TBC1D19: variants seen among roughly 807,000 people sequenced by gnomAD.
TBC1D19 encodes TBC1 domain family member 19.
A neutral mutation model predicts 89.0 loss-of-function variants in TBC1D19; 60 were observed. That is an observed-to-expected ratio of 0.67 (90% CI 0.55 to 0.84). The LOEUF (loss-of-function observed/expected upper bound fraction) is 0.84, where lower values mean the gene tolerates loss of function less well. Among genes scored for constraint, TBC1D19 ranks in the 40% least tolerant of loss-of-function variants. The pLI, the probability that TBC1D19 is intolerant of heterozygous loss-of-function variation, is 0.00. For synonymous variants in TBC1D19, 189 were observed against 199.7 expected (o/e 0.95, Z 0.45); for missense variants, 500 against 610.8 (o/e 0.82, Z 1.91).
intron 1 of TBC1D19, among the ~76,000 whole-genome samples, chr4:26,600,783 C>T (rs956161363): frequency 2.6e-5 from 4 of 152,148 alleles, no homozygotes; most frequent in African/African-American, 4.8e-5. Flanking sequence ...GAGTATAAGG[C>T]ATGGTCAGCT....
At chr4:26,800,295 G>A in the TBC1D19 span, among the ~76,000 whole-genome samples, 5 of 152,136 alleles carry the variant, frequency 3.3e-5, no homozygotes, top group Non-Finnish European at 7.3e-5. Flanking sequence ...TGAGAATGAC[G>A]GTTTCCAGTT....
chr4:26,673,719 C>G, intron 10 of TBC1D19, 57 bp from the exon 11 acceptor site: 1 of 1,076,556 alleles, frequency 9.3e-7, no homozygotes, highest in Non-Finnish European at 1.4e-6. Flanking sequence ...TTGAAGATTT[C>G]AGTGATGTTT....
chr4:26,843,891 AAG>A, the TBC1D19 span, among the ~76,000 whole-genome samples: 2 of 152,124 alleles, frequency 1.3e-5, no homozygotes, highest in African/African-American at 4.8e-5. Flanking sequence ...GAGCAAGAGA[AAG>A]AGAGTGTGGA....
the TBC1D19 span, among the ~76,000 whole-genome samples, chr4:26,801,539 G>A: frequency 7.2e-5 from 11 of 152,270 alleles, no homozygotes; most frequent in East Asian, 1.7e-3. Context: ...TCCCAATTCT[G>A]TGAAGAAAGT....
At chr4:26,672,114 A>T (rs1712367694) in intron 9 of TBC1D19, 35 bp from the exon 10 acceptor site, 1 of 903,366 alleles carries the variant, frequency 1.1e-6, no homozygotes, top group Non-Finnish European at 1.6e-6. Flanking sequence ...GCTCATACTC[A>T]TGTCTAATAA....
the TBC1D19 span, among the ~76,000 whole-genome samples, chr4:26,842,628 CTTTCTTTCTTTCTTTCTTTT>C: frequency 7.9e-6 from 1 of 127,066 alleles, no homozygotes; most frequent in African/African-American, 3.0e-5. Context: ...TTCTTTCTTT[CTTTCTTTCTTTCTTTCTTTT>C]TCTTTCTTCT....
the TBC1D19 span, among the ~76,000 whole-genome samples, chr4:26,775,622 C>T: frequency 6.6e-6 from 1 of 152,140 alleles, no homozygotes; most frequent in Non-Finnish European, 1.5e-5. Context: ...GCAAAAAGGT[C>T]CTCTCCAAAT....
intron 11 of TBC1D19, among the ~76,000 whole-genome samples, chr4:26,679,804 A>T (rs1369226580): frequency 6.6e-6 from 1 of 152,170 alleles, no homozygotes; most frequent in Non-Finnish European, 1.5e-5. Flanking sequence ...TTAATGCTGG[A>T]ATGAGTTGAA....
intron 1 of TBC1D19, among the ~76,000 whole-genome samples, chr4:26,592,222 A>G (rs1180151361): frequency 1.3e-5 from 2 of 152,258 alleles, no homozygotes; most frequent in Non-Finnish European, 2.9e-5. Flanking sequence ...TATAAACAGA[A>G]TCAATGACAA....
intron 1 of TBC1D19, among the ~76,000 whole-genome samples, chr4:26,587,471 A>G (rs1024628718): frequency 6.6e-6 from 1 of 151,246 alleles, no homozygotes; most frequent in Non-Finnish European, 1.5e-5. Flanking sequence ...CAGCTACTTG[A>G]GAGGTTGAGG....
intron 1 of TBC1D19, among the ~76,000 whole-genome samples, chr4:26,590,796 G>GATTTT (rs1739721844): frequency 1.9e-5 from 1 of 52,958 alleles, no homozygotes; most frequent in Non-Finnish European, 3.1e-5. Flanking sequence ...TTGCAGGTCT[G>GATTTT]TTTTTTTTTT....
At chr4:26,692,357 T>C (rs1714370565) in intron 13 of TBC1D19, among the ~76,000 whole-genome samples, 1 of 152,064 alleles carries the variant, frequency 6.6e-6, no homozygotes, top group Admixed American at 6.6e-5. Flanking sequence ...AGGCCAAAAA[T>C]ACTAGGGCCT....
chr4:26,695,798 A>C (rs185588213), intron 13 of TBC1D19, among the ~76,000 whole-genome samples: 25 of 152,326 alleles, frequency 1.6e-4, no homozygotes, highest in Admixed American at 1.5e-3. Flanking sequence ...CTTTACATAC[A>C]AGCAAATGCT....
At chr4:26,721,112 T>C (rs945110861) in intron 15 of TBC1D19, among the ~76,000 whole-genome samples, 2 of 152,000 alleles carry the variant, frequency 1.3e-5, no homozygotes, top group African/African-American at 4.8e-5. Context: ...TCTCTTTTCT[T>C]ACTTTTATCT....
At chr4:26,817,981 A>AAAAATATAT in the TBC1D19 span, among the ~76,000 whole-genome samples, 38 of 126,042 alleles carry the variant, frequency 3.0e-4, no homozygotes, top group African/African-American at 1.1e-3. Context: ...AAAAAAAAAA[A>AAAAATATAT]ATATATATAT....
At chr4:26,618,971 A>G (rs1169999475) in intron 3 of TBC1D19, among the ~76,000 whole-genome samples, 2 of 152,194 alleles carry the variant, frequency 1.3e-5, no homozygotes, top group Non-Finnish European at 2.9e-5. Flanking sequence ...TACTAAATGT[A>G]AGCTCCATGA....
intron 7 of TBC1D19, among the ~76,000 whole-genome samples, chr4:26,656,758 G>A (rs77422106): frequency 0.038 from 5,780 of 152,060 alleles, 164 homozygotes; most frequent in East Asian, 0.11. Context: ...GGAGTCTCAC[G>A]ATGTTGCCCA....
chr4:26,737,766 A>G (rs4446297), intron 16 of TBC1D19, among the ~76,000 whole-genome samples: 148,962 of 152,190 alleles, frequency 0.98, 72,976 homozygotes, highest in Non-Finnish European at 1. Flanking sequence ...GTACTTTGCC[A>G]TTTCAGTTTT....
intron 16 of TBC1D19, among the ~76,000 whole-genome samples, chr4:26,739,639 A>G (rs1036019909): frequency 6.6e-6 from 1 of 152,158 alleles, no homozygotes; most frequent in African/African-American, 2.4e-5. Context: ...AATTGGGATT[A>G]TAATAGTTTG....
Sources: allele counts gnomAD v4.1 joint callset (sites outside exome capture counted in the v4.1 genomes callset), GRCh38; gene constraint gnomAD v4.1.1; transcripts MANE v1.5; gene names NCBI Gene and HGNC (gene_info 2026-07-23, HGNC 2026-07-21).